Variants in TMC1 observed in about 807,000 individuals in gnomAD.
The protein encoded by TMC1 is transmembrane channel like 1, also known as transmembrane channel-like protein 1.
A neutral mutation model predicts 105.8 loss-of-function variants in TMC1; 84 were observed. That is an observed-to-expected ratio of 0.79 (90% CI 0.67 to 0.95). The LOEUF is 0.95. TMC1 is among the 40% of genes least tolerant of loss of function. TMC1 has a pLI of 0.00. For missense variants in TMC1, 817 were observed against 914.1 expected (o/e 0.89, Z 1.37); for synonymous variants, 315 against 311.5 (o/e 1.01, Z -0.12).
chr9:72,595,499 G>C (rs1410084120), intron 2 of TMC1, among the ~76,000 whole-genome samples: 1 of 152,142 alleles, frequency 6.6e-6, no homozygotes, highest in East Asian at 1.9e-4. Context: ...TAGCATTAGA[G>C]TGGCCTGCAG....
At chr9:72,817,865 A>C (rs1358630818) in intron 19 of TMC1, among the ~76,000 whole-genome samples, 1 of 152,180 alleles carries the variant, frequency 6.6e-6, no homozygotes. Flanking sequence ...TTAATTCTTC[A>C]GACAGTGGTC....
At chr9:72,731,791 A>G (rs1827215172) in intron 8 of TMC1, among the ~76,000 whole-genome samples, 1 of 152,066 alleles carries the variant, frequency 6.6e-6, no homozygotes, top group African/African-American at 2.4e-5. Flanking sequence ...TGCTTATATC[A>G]TTCCCCTGCA....
At chr9:72,582,106 C>T (rs1459254780) in intron 2 of TMC1, among the ~76,000 whole-genome samples, 1 of 152,032 alleles carries the variant, frequency 6.6e-6, no homozygotes, top group Non-Finnish European at 1.5e-5. Flanking sequence ...TACAGGCATG[C>T]GCCACCATGC....
intron 10 of TMC1, among the ~76,000 whole-genome samples, chr9:72,748,942 T>C (rs1350127382): frequency 6.6e-6 from 1 of 152,212 alleles, no homozygotes; most frequent in Non-Finnish European, 1.5e-5. Flanking sequence ...TCTATTGGCC[T>C]GCAATTCATT....
Position 72,741,768 on chromosome 9 carries a change from C to A in TMC1, c.454-676C>A, listed in dbSNP as rs577769961. ...ATTTGCATACATGCAAAATTCTCTG[C>A]CACATTCTCATTCTTCCTGGTGGTC... On this transcript the variant is annotated intron_variant, in intron 9 of 23. Coordinates refer to ENST00000297784, the MANE Select transcript of TMC1 (RefSeq NM_138691.3). Among the ~76,000 whole-genome samples, 8 of 152,334 alleles carry A rather than the reference C, an allele frequency of 5.3e-5. No individual in the cohort carries two copies. The East Asian group carries it at 1.5e-3, about 29-fold the overall frequency.
rs549864568 is a variant in TMC1, at chr9:72,743,010, C to T, written c.535+485C>T. On this transcript the variant is annotated intron_variant, in intron 10 of 23. Transcript: ENST00000297784. ...CAGCACTTTGGGAGGTTGAGGTGTGCAGATCACTTGAGGTCAGGAGTTCGA... is the reference window on the plus strand; with the variant it reads ...CAGCACTTTGGGAGGTTGAGGTGTGTAGATCACTTGAGGTCAGGAGTTCGA... Among the ~76,000 whole-genome samples, 29 of 152,216 alleles carry T rather than the reference C, an allele frequency of 1.9e-4. 1 individual carries two copies. Among genetic ancestry groups the T allele is most frequent in the African/African-American group, 7.0e-4 (29 of 41,504 alleles).
At chr9:72,816,758 TA>T (rs779424367) in intron 19 of TMC1, among the ~76,000 whole-genome samples, 13 of 152,200 alleles carry the variant, frequency 8.5e-5, no homozygotes, top group Non-Finnish European at 1.6e-4. Flanking sequence ...ACATCAGAAT[TA>T]TTTTTTTTGA....
At chr9:72,760,432 G>A (rs1827738418) in intron 12 of TMC1, among the ~76,000 whole-genome samples, 1 of 152,024 alleles carries the variant, frequency 6.6e-6, no homozygotes. Context: ...AAGCCCAGGG[G>A]TGCCAAAGCA....
intron 5 of TMC1, among the ~76,000 whole-genome samples, chr9:72,662,293 T>C (rs1459609113): frequency 1.3e-5 from 2 of 151,908 alleles, no homozygotes; most frequent in African/African-American, 4.8e-5. Flanking sequence ...TCCAAGCGAT[T>C]CTCCTGCCTC....
At chr9:72,579,883 T>C in intron 2 of TMC1, among the ~76,000 whole-genome samples, 1 of 151,806 alleles carries the variant, frequency 6.6e-6, no homozygotes, top group Non-Finnish European at 1.5e-5. Flanking sequence ...TTAGCCAGTC[T>C]CATAACCTGG....
At chr9:72,713,681 G>C (rs113087409) in intron 8 of TMC1, among the ~76,000 whole-genome samples, 6,613 of 148,056 alleles carry the variant, frequency 0.045, 239 homozygotes, top group Non-Finnish European at 0.064. Flanking sequence ...TTATTAGTCT[G>C]GCTAGTTGTT....
At chr9:72,654,462 C>A (rs947301989) in intron 5 of TMC1, among the ~76,000 whole-genome samples, 1 of 151,676 alleles carries the variant, frequency 6.6e-6, no homozygotes, top group Non-Finnish European at 1.5e-5. Context: ...TTATTTTATT[C>A]CATTTTCACT....
intron 5 of TMC1, among the ~76,000 whole-genome samples, chr9:72,668,434 A>T (rs1826077015): frequency 6.6e-6 from 1 of 152,154 alleles, no homozygotes; most frequent in South Asian, 2.1e-4. Context: ...ATTCTTGTTG[A>T]TTGAGTGAAT....
chr9:72,658,634 C>T (rs1360018086), intron 5 of TMC1, among the ~76,000 whole-genome samples: 1 of 152,188 alleles, frequency 6.6e-6, no homozygotes, highest in Admixed American at 6.5e-5. Flanking sequence ...CAGCTTCTTA[C>T]ATTTCTGTTA....
chr9:72,654,759 C>T (rs1825859698), intron 5 of TMC1, among the ~76,000 whole-genome samples: 1 of 151,594 alleles, frequency 6.6e-6, no homozygotes, highest in African/African-American at 2.4e-5. Flanking sequence ...AATAGTCTTT[C>T]ATATTTTCTC....
intron 12 of TMC1, among the ~76,000 whole-genome samples, chr9:72,755,779 G>A (rs1428470952): frequency 6.6e-6 from 1 of 150,484 alleles, no homozygotes; most frequent in Non-Finnish European, 1.5e-5. Flanking sequence ...ATGAAGGAGG[G>A]AAAAGCAGAC....
chr9:72,674,139 G>A (rs928406543), intron 5 of TMC1, among the ~76,000 whole-genome samples: 1 of 152,050 alleles, frequency 6.6e-6, no homozygotes, highest in African/African-American at 2.4e-5. Flanking sequence ...AATTAAAGAG[G>A]GCAGAAATAA....
At chr9:72,730,637 TGAGGA>T (rs902261386) in intron 8 of TMC1, among the ~76,000 whole-genome samples, 16 of 152,154 alleles carry the variant, frequency 1.1e-4, no homozygotes, top group African/African-American at 3.9e-4. Flanking sequence ...TGGGGCTGGG[TGAGGA>T]GATGGTTTCA....
At position 72,830,655 on chromosome 9, in the gene TMC1, A is replaced by G; in HGVS notation, c.2233A>G (p.Asn745Asp). The G allele has an allele frequency of 6.2e-7, 1 of 1,613,808 alleles. No individual in the cohort carries two copies. The highest frequency in any genetic ancestry group is 8.5e-7 in the Non-Finnish European group (1 of 1,179,888). The part of the protein sequence containing the change: ...KMQALENKMR[N>D]KKMAAARAAA... ...GCAAGCTTTGGAGAACAAAATGCGA[A>G]ACAAGAAAATGGCAGCTGCACGAGC... The change falls in exon 23 of 24, where the codon AAC (asparagine) becomes GAC (aspartate). Residue 745 changes from asparagine (N) to aspartate (D), a missense_variant. Asn to Asp is a conservative substitution (Grantham distance 23). Coordinates refer to ENST00000297784, the MANE Select transcript of TMC1 (RefSeq NM_138691.3).
Sources: allele counts gnomAD v4.1 joint callset (sites outside exome capture counted in the v4.1 genomes callset), GRCh38; gene constraint gnomAD v4.1.1; transcripts MANE v1.5; gene names NCBI Gene and HGNC (gene_info 2026-07-23, HGNC 2026-07-21).